POLK: variants seen among roughly 807,000 people sequenced by gnomAD.
The protein encoded by POLK is polymerase (DNA directed) kappa.
Under a neutral mutation model 94.0 loss-of-function variants are expected in POLK, and 76 were observed. The ratio of observed to expected loss-of-function variants is 0.81; its 90% confidence interval spans 0.67 to 0.98. The LOEUF (loss-of-function observed/expected upper bound fraction) is 0.98, where lower values mean the gene tolerates loss of function less well. Ranked by LOEUF, POLK falls within the 50% of genes least tolerant of loss-of-function variation. The pLI is 0.00. For missense variants in POLK, 954 were observed against 1,010.1 expected, an observed-to-expected ratio of 0.94 and a Z score of 0.75; for synonymous variants, 349 against 325.4, an observed-to-expected ratio of 1.07 and a Z score of -0.78.
intron 1 of POLK, among the ~76,000 whole-genome samples, chr5:75,522,375 G>T (rs1468209348): frequency 1.3e-5 from 2 of 152,088 alleles, no homozygotes; most frequent in Non-Finnish European, 2.9e-5. Context: ...TGAGTTCTGG[G>T]CTATTACTAG....
intron 1 of POLK, among the ~76,000 whole-genome samples, chr5:75,520,802 G>A (rs1456162341): frequency 6.6e-6 from 1 of 152,100 alleles, no homozygotes; most frequent in Non-Finnish European, 1.5e-5. Flanking sequence ...AATGAGTCTG[G>A]TGATGGTGAA....
chr5:75,602,722 T>G (rs1361898483), downstream of POLK, among the ~76,000 whole-genome samples: 1 of 152,214 alleles, frequency 6.6e-6, no homozygotes, highest in Non-Finnish European at 1.5e-5. Context: ...GGCCTAATAA[T>G]TTCTTTGCAT....
At chr5:75,549,826 A>G (rs1212530122) in intron 2 of POLK, among the ~76,000 whole-genome samples, 1 of 152,146 alleles carries the variant, frequency 6.6e-6, no homozygotes, top group African/African-American at 2.4e-5. Flanking sequence ...ATAGTTATCT[A>G]TCTTACCCTT....
chr5:75,600,013 C>T, exon 15 of POLK: 1 of 152,218 alleles, frequency 6.6e-6, no homozygotes, highest in Non-Finnish European at 1.5e-5. Context: ...TGGTAATAAG[C>T]ATGCATAATC....
intron 1 of POLK, among the ~76,000 whole-genome samples, chr5:75,538,420 T>A (rs1169775392): frequency 1.3e-5 from 2 of 152,254 alleles, no homozygotes; most frequent in African/African-American, 4.8e-5. Flanking sequence ...GATAGTTTGA[T>A]GAACTAATCT....
intron 1 of POLK, among the ~76,000 whole-genome samples, chr5:75,531,958 A>G (rs1769205092): frequency 6.6e-6 from 1 of 152,150 alleles, no homozygotes; most frequent in African/African-American, 2.4e-5. Context: ...ATCCACTTCT[A>G]TGGTCACTCA....
chr5:75,522,776 A>G (rs573972007), intron 1 of POLK, among the ~76,000 whole-genome samples: 1 of 152,310 alleles, frequency 6.6e-6, no homozygotes, highest in East Asian at 1.9e-4. Context: ...CAGGATCCCT[A>G]AGATTCTATT....
intron 1 of POLK, among the ~76,000 whole-genome samples, chr5:75,530,396 CTTTTTTTTTTTTTTTTTTT>C (rs201266079): frequency 1.6e-5 from 1 of 61,618 alleles, no homozygotes; most frequent in East Asian, 4.8e-4. Flanking sequence ...TTCCCTTTTT[CTTTTTTTTTTTTTTTTTTT>C]TTTTTTTGAG....
At chr5:75,580,180 G>C (rs996819033) in intron 6 of POLK, among the ~76,000 whole-genome samples, 2 of 151,816 alleles carry the variant, frequency 1.3e-5, no homozygotes, top group East Asian at 1.9e-4. Flanking sequence ...CATTTTTCAA[G>C]TAATATACAT....
chr5:75,533,342 G>T (rs1769274390), intron 1 of POLK, among the ~76,000 whole-genome samples: 1 of 152,158 alleles, frequency 6.6e-6, no homozygotes, highest in South Asian at 2.1e-4. Context: ...TGAATAGGGA[G>T]TTCTTTCTCC....
In POLK at chr5:75,544,154, T is replaced by C. The variant is rs974841212; in HGVS notation, c.-13-2856T>C. Among the ~76,000 whole-genome samples the C allele has an allele frequency of 2.6e-5, 4 of 152,352 alleles. No individual in the cohort carries two copies. In the South Asian group the frequency reaches 8.3e-4, roughly 32 times the overall value. ...ACCCGGCCTCTTCTCAAGAGTTTTT[T>C]GGCTAAGCAATTAATATATGTGAAG... On this transcript the variant is annotated intron_variant, in intron 1 of 14. Coordinates refer to ENST00000241436, the Ensembl canonical transcript of POLK.
chr5:75,563,484 A>G (rs948724541), intron 3 of POLK, among the ~76,000 whole-genome samples: 6 of 151,752 alleles, frequency 4.0e-5, no homozygotes, highest in African/African-American at 9.7e-5. Flanking sequence ...TTTAATTGTG[A>G]TGTTAGGGTG....
At position 75,511,769 on chromosome 5, in the gene POLK, C is replaced by T. The variant is rs889655689; in HGVS notation, c.-159C>T. The stretch of plus-strand genomic sequence containing the variant: ...CCTCCCGAACCCTACCTCCGGCTCT[C>T]CCGGGTGACGACGGGTAGAAAAGCA... On this transcript the variant is annotated 5_prime_UTR_variant, in exon 1 of 15. Coordinates refer to ENST00000241436, the Ensembl canonical transcript of POLK. 3 of 1,551,312 alleles carry T rather than the reference C, an allele frequency of 1.9e-6. No individual in the cohort carries two copies. The highest frequency in any genetic ancestry group is 2.6e-6 in the Non-Finnish European group (3 of 1,146,902).
intron 3 of POLK, among the ~76,000 whole-genome samples, chr5:75,555,672 C>T (rs1056815681): frequency 2.6e-5 from 4 of 151,916 alleles, no homozygotes; most frequent in Admixed American, 2.0e-4. Context: ...CTCGGCCTCC[C>T]GAGTAGCTGG....
chr5:75,521,917 A>C (rs1768607706), intron 1 of POLK, among the ~76,000 whole-genome samples: 1 of 152,204 alleles, frequency 6.6e-6, no homozygotes, highest in African/African-American at 2.4e-5. Flanking sequence ...CAGTGTAGAA[A>C]GGCTGGCTAG....
At chr5:75,544,920 A>G (rs5744578) in intron 1 of POLK, among the ~76,000 whole-genome samples, 11,702 of 152,150 alleles carry the variant, frequency 0.077, 542 homozygotes, top group South Asian at 0.17. Context: ...AAACCAACCT[A>G]TATTCCCCTG....
At chr5:75,600,358 T>C (rs551121571) in exon 15 of POLK, 24 of 152,332 alleles carry the variant, frequency 1.6e-4, no homozygotes, top group African/African-American at 5.5e-4. Flanking sequence ...AGCTCTTACA[T>C]TGAAAACAAT....
rs147993934 is a variant in POLK at position 75,572,838 on chromosome 5, G to A, written c.409-900G>A. Among the ~76,000 whole-genome samples the A allele has an allele frequency of 2.0e-3, 301 of 152,222 alleles. 2 individuals carry two copies. The highest frequency in any genetic ancestry group is 6.3e-3 in the African/African-American group (261 of 41,550). ...ATACCATCTCACACCAGTTAGAATG[G>A]CGATCATTAAAAAGTCAGGAAACAA... On this transcript the variant is annotated intron_variant, in intron 4 of 14. Transcript: ENST00000241436.
At chr5:75,568,378 G>A (rs1474556974) in intron 3 of POLK, among the ~76,000 whole-genome samples, 2 of 152,090 alleles carry the variant, frequency 1.3e-5, no homozygotes, top group Admixed American at 6.6e-5. Flanking sequence ...GCCACCTCCA[G>A]CTGCAGGGTA....
Sources: gnomAD v4.1 joint callset for allele counts (sites outside exome capture counted in the v4.1 genomes callset) on GRCh38, gnomAD v4.1.1 for gene constraint, MANE v1.5 for transcripts, NCBI Gene and HGNC (gene_info 2026-07-23, HGNC 2026-07-21) for gene names.